Variants in LAMA1 observed in about 807,000 individuals in gnomAD.
LAMA1 encodes laminin subunit alpha 1, also known as laminin subunit alpha-1.
A neutral mutation model predicts 348.7 loss-of-function variants in LAMA1; 219 were observed. The observed-to-expected ratio is 0.63, with a 90% CI of 0.56 to 0.70. The LOEUF is 0.70. LAMA1 is among the 30% of genes least tolerant of loss of function. LAMA1 has a pLI of 0.00. For missense variants in LAMA1, 3,744 were observed against 3,888.0 expected, an observed-to-expected ratio of 0.96 and a Z score of 0.99; for synonymous variants, 1,487 against 1,491.0, an observed-to-expected ratio of 1.00 and a Z score of 0.06.
intron 19 of LAMA1, 139 bp from the exon 20 acceptor site, chr18:7,017,523 T>A: frequency 1.4e-6 from 1 of 721,572 alleles, no homozygotes; most frequent in South Asian, 1.5e-5. Context: ...TTATTGGCAA[T>A]AACTTTAGAA....
chr18:7,018,329 T>C (rs112007922), intron 19 of LAMA1, among the ~76,000 whole-genome samples: 18,902 of 82,586 alleles, frequency 0.23, 2,004 homozygotes, highest in African/African-American at 0.41. Context: ...AGTGTGAAAC[T>C]CCATCTCAAA....
chr18:7,002,701 C>T (rs1275491049), intron 29 of LAMA1, among the ~76,000 whole-genome samples: 1 of 151,962 alleles, frequency 6.6e-6, no homozygotes, highest in Non-Finnish European at 1.5e-5. Context: ...ATATTTAGTG[C>T]CCCAAAAAAC....
At position 7,013,998 on chromosome 18, in the gene LAMA1, G is replaced by T; in HGVS notation, c.3180C>A (p.Thr1060=). ...GSTHHRCDVV[T]GHCQCKSKFG... is the part of the protein sequence containing the mutation. ...ATTTTGACTTGCACTGGCAATGGCCGGTGACCACATCGCACCGATGATGAG... is the reference window on the plus strand; with the variant it reads ...ATTTTGACTTGCACTGGCAATGGCCTGTGACCACATCGCACCGATGATGAG... Residue 1060 remains threonine (T), a synonymous_variant, in exon 23 of 63, where the codon ACC becomes ACA. Coordinates refer to ENST00000389658, the MANE Select transcript of LAMA1 (RefSeq NM_005559.4). 1 of 1,613,834 alleles carries T rather than the reference G, an allele frequency of 6.2e-7. No individual in the cohort carries two copies. The highest frequency in any genetic ancestry group is 8.5e-7 in the Non-Finnish European group (1 of 1,179,884).
intron 59 of LAMA1, among the ~76,000 whole-genome samples, chr18:6,948,826 C>T (rs151297320): frequency 1.2e-4 from 19 of 152,178 alleles, no homozygotes; most frequent in African/African-American, 4.1e-4. Flanking sequence ...TACTAATGTG[C>T]GAATATGCAT....
At chr18:7,010,571 G>A (rs1440029863) in intron 25 of LAMA1, among the ~76,000 whole-genome samples, 186 bp from the exon 26 acceptor site, 3 of 152,146 alleles carry the variant, frequency 2.0e-5, no homozygotes, top group Admixed American at 6.5e-5. Flanking sequence ...GTTGACCTAA[G>A]TTATATAGTT....
At chr18:6,954,717 C>G (rs1049138524) in intron 57 of LAMA1, 1 of 162,152 alleles carries the variant, frequency 6.2e-6, no homozygotes, top group African/African-American at 2.4e-5. Context: ...AGAAGACAGA[C>G]AGGAGCCCAG....
chr18:7,044,914 C>T, intron 6 of LAMA1, 75 bp from the exon 7 acceptor site: 2 of 1,103,904 alleles, frequency 1.8e-6, no homozygotes, highest in Non-Finnish European at 1.4e-6. Flanking sequence ...GTAAAAAGAA[C>T]CTATCTGTCA....
chr18:6,972,994 G>T, intron 47 of LAMA1, 63 bp downstream of exon 47: 1 of 1,593,490 alleles, frequency 6.3e-7, no homozygotes, highest in South Asian at 1.1e-5. Flanking sequence ...CCCGGCCCAT[G>T]ACTTTTATAT....
chr18:6,950,331 T>A lies in LAMA1; in HGVS notation c.8397+451A>T, dbSNP rs543821649. On this transcript the variant is annotated intron_variant, in intron 58 of 62. Transcript: ENST00000389658. ...TTGCCTATGCAATAATTAAACTCTTTCTTTGCTGCAAAACCTGCCACTCTT... is the reference window on the plus strand; with the variant it reads ...TTGCCTATGCAATAATTAAACTCTTACTTTGCTGCAAAACCTGCCACTCTT... Among the ~76,000 whole-genome samples the A allele has an allele frequency of 2.0e-5, 3 of 152,336 alleles. No individual in the cohort carries two copies. The East Asian group carries it at 5.8e-4, about 29-fold the overall frequency.
intron 36 of LAMA1, among the ~76,000 whole-genome samples, chr18:6,987,232 T>A (rs559748390): frequency 1.3e-5 from 2 of 152,344 alleles, no homozygotes; most frequent in South Asian, 4.1e-4. Flanking sequence ...ATCATCTCCA[T>A]GAATCTGGAT....
intron 31 of LAMA1, 83 bp from the exon 32 acceptor site, chr18:6,999,721 G>A (rs1170377603): frequency 7.7e-7 from 1 of 1,298,414 alleles, no homozygotes; most frequent in Non-Finnish European, 1.1e-6. Context: ...TCCGCCAAAT[G>A]AAATGCAAAG....
At chr18:7,038,548 C>A in intron 11 of LAMA1, 1 of 522,564 alleles carries the variant, frequency 1.9e-6, no homozygotes, top group South Asian at 2.0e-5. Flanking sequence ...CATTTCCCCA[C>A]AGAAGAAATT....
intron 41 of LAMA1, among the ~76,000 whole-genome samples, chr18:6,980,942 T>TA (rs1428525778): frequency 1.3e-5 from 2 of 151,692 alleles, no homozygotes; most frequent in African/African-American, 2.4e-5. Context: ...AAAATAAAAA[T>TA]AAAAATAAAC....
chr18:6,961,509 G>A, intron 53 of LAMA1, 77 bp downstream of exon 53: 2 of 1,526,202 alleles, frequency 1.3e-6, no homozygotes, highest in East Asian at 2.3e-5. Flanking sequence ...AAATGTTTAT[G>A]AGTCAGTCAT....
intron 1 of LAMA1, among the ~76,000 whole-genome samples, chr18:7,102,644 G>A (rs1241837754): frequency 2.0e-5 from 3 of 152,118 alleles, no homozygotes; most frequent in Non-Finnish European, 2.9e-5. Flanking sequence ...AACAGAAACC[G>A]CTCCCAAATC....
rs771640683 is a variant in LAMA1 at position 6,980,496 on chromosome 18, A to G, written c.6007+25T>C. On this transcript the variant is annotated intron_variant, in intron 42 of 62. Transcript: ENST00000389658. Reference sequence around the variant, plus strand: ...CTTTTACAATGAGAAGACGTTATTTACAGAAGAAAGTCCTTTCCACTTACC... The same window carrying G: ...CTTTTACAATGAGAAGACGTTATTTGCAGAAGAAAGTCCTTTCCACTTACC... 23 of 1,325,694 alleles carry G rather than the reference A, an allele frequency of 1.7e-5. No homozygotes were observed. In the South Asian group the frequency reaches 2.0e-4, roughly 11 times the overall value. The allele number at this position is 1,325,694 out of a possible 1,614,324, so 82.1% of individuals were successfully genotyped here. A position where few individuals can be genotyped will look rare whatever the true frequency, so the allele number is the denominator to read the frequency against.
chr18:6,996,800 AATAAG>A (rs928245667), intron 33 of LAMA1, among the ~76,000 whole-genome samples: 7 of 151,920 alleles, frequency 4.6e-5, no homozygotes, highest in Admixed American at 4.6e-4. Flanking sequence ...AAAATAAATA[AATAAG>A]ATAATAAAAA....
In LAMA1 at chr18:7,009,287, T is replaced by G. The variant is rs367972801; in HGVS notation, c.3953A>C (p.Glu1318Ala). Residue 1318 changes from glutamate to alanine, a missense_variant, in exon 27 of 63, where the codon GAG becomes GCG. Glu to Ala is a moderately radical substitution (Grantham distance 107, BLOSUM62 -1). Transcript: ENST00000389658. The part of the protein sequence containing the change: ...EDFMSVLSDI[E>A]YILIKASYGQ... Reference sequence around the variant, plus strand: ...ATACGATGCCTTGATGAGGATGTACTCAATATCGCTGAGGACAGACATAAA... The same window carrying G: ...ATACGATGCCTTGATGAGGATGTACGCAATATCGCTGAGGACAGACATAAA... 2 of 1,613,932 alleles carry G rather than the reference T, an allele frequency of 1.2e-6. No individual in the cohort carries two copies. Among genetic ancestry groups the G allele is most frequent in the African/African-American group, 1.3e-5 (1 of 74,916 alleles).
chr18:6,950,681 G>A, intron 58 of LAMA1, 101 bp downstream of exon 58: 4 of 1,321,502 alleles, frequency 3.0e-6, no homozygotes, highest in Non-Finnish European at 4.3e-6. Context: ...CGGCGAGATA[G>A]AGATTAATGG....
Sources: gnomAD v4.1 joint callset for allele counts (sites outside exome capture counted in the v4.1 genomes callset) on GRCh38, gnomAD v4.1.1 for gene constraint, MANE v1.5 for transcripts, NCBI Gene and HGNC (gene_info 2026-07-23, HGNC 2026-07-21) for gene names.